The following MIER1 variants were observed in gnomAD, a reference collection of about 807,000 sequenced individuals.
MIER1 encodes the protein MIER1 transcriptional regulator.
A neutral mutation model predicts 75.7 loss-of-function variants in MIER1; 40 were observed. The ratio of observed to expected loss-of-function variants is 0.53; its 90% confidence interval spans 0.41 to 0.69. The LOEUF is 0.69. Ranked by LOEUF, MIER1 falls within the 30% of genes least tolerant of loss-of-function variation. MIER1 has a pLI of 0.00. For synonymous variants in MIER1, 213 were observed against 223.4 expected, an observed-to-expected ratio of 0.95 and a Z score of 0.42; for missense variants, 574 against 680.2, an observed-to-expected ratio of 0.84 and a Z score of 1.74.
intron 3 of MIER1, among the ~76,000 whole-genome samples, chr1:66,944,084 A>G (rs571010716): frequency 6.6e-6 from 1 of 152,154 alleles, no homozygotes; most frequent in South Asian, 2.1e-4. Flanking sequence ...ATGCTTGAAC[A>G]TAGTATCTGG....
At position 66,949,265 on chromosome 1, in the gene MIER1, A is replaced by AT. The variant is rs200045381; in HGVS notation, c.339+2978dup. On this transcript the variant is annotated intron_variant, in intron 4 of 13. Transcript: ENST00000401041. ...TTTCATAATGGGTTATGAGTTAGTTATTTTTTTTCTATTTCAGAAAATGAG... is the reference window on the plus strand; with the variant it reads ...TTTCATAATGGGTTATGAGTTAGTTATTTTTTTTTCTATTTCAGAAAATGAG... Among the ~76,000 whole-genome samples the AT allele has an allele frequency of 5.2e-3, 791 of 151,952 alleles. 3 individuals are homozygous for AT. The highest frequency in any genetic ancestry group is 0.011 in the Admixed American group (165 of 15,250).
intron 2 of MIER1, chr1:66,930,311 C>T (rs1432948786): frequency 1.8e-5 from 29 of 1,585,114 alleles, no homozygotes; most frequent in Admixed American, 5.2e-5. Context: ...GCCGGAGTCC[C>T]GTTGCTGAGT....
At chr1:66,931,187 CT>C (rs564125300) in intron 2 of MIER1, among the ~76,000 whole-genome samples, 8 of 152,184 alleles carry the variant, frequency 5.3e-5, no homozygotes, top group African/African-American at 1.7e-4. Context: ...CCTAAAGCCC[CT>C]TTTTTTGATT....
chr1:66,931,032 C>T (rs1653175596), intron 2 of MIER1, among the ~76,000 whole-genome samples: 1 of 151,548 alleles, frequency 6.6e-6, no homozygotes, highest in Non-Finnish European at 1.5e-5. Flanking sequence ...TTTCCACCTC[C>T]CCCCACCACC....
At chr1:66,979,570 A>T (rs1448510694) in intron 12 of MIER1, among the ~76,000 whole-genome samples, 1 of 152,212 alleles carries the variant, frequency 6.6e-6, no homozygotes, top group South Asian at 2.1e-4. Flanking sequence ...TTAACTCAGC[A>T]TAACTTTGAT....
At chr1:66,982,565 A>G (rs1558124168) in intron 13 of MIER1, among the ~76,000 whole-genome samples, 1 of 152,200 alleles carries the variant, frequency 6.6e-6, no homozygotes, top group East Asian at 1.9e-4. Context: ...TTCTTCTTTG[A>G]TTAAATGGTC....
chr1:66,971,391 T>C (rs539651804), intron 9 of MIER1, among the ~76,000 whole-genome samples: 18 of 152,228 alleles, frequency 1.2e-4, no homozygotes, highest in African/African-American at 4.3e-4. Context: ...TTTTCATTGA[T>C]ATAAAATGAA....
chr1:66,964,249 T>G (rs1006600636), intron 8 of MIER1, among the ~76,000 whole-genome samples: 3 of 150,292 alleles, frequency 2.0e-5, no homozygotes, highest in Non-Finnish European at 3.0e-5. Flanking sequence ...TTTTTTTGTG[T>G]TTTTTAGTAG....
intron 9 of MIER1, among the ~76,000 whole-genome samples, chr1:66,971,451 A>G (rs1277264671): frequency 6.6e-6 from 1 of 152,018 alleles, no homozygotes; most frequent in African/African-American, 2.4e-5. Flanking sequence ...TGCATATCCT[A>G]CTTTGTACAT....
At chr1:66,982,948 G>A (rs1487466813) in intron 13 of MIER1, among the ~76,000 whole-genome samples, 4 of 152,202 alleles carry the variant, frequency 2.6e-5, no homozygotes, top group South Asian at 2.1e-4. Context: ...GGGACTAACC[G>A]TATAGGCTCA....
chr1:66,930,362 G>A (rs1463084526), intron 2 of MIER1: 1 of 1,607,080 alleles, frequency 6.2e-7, no homozygotes, highest in Non-Finnish European at 8.5e-7. Flanking sequence ...TGCGGCCGCC[G>A]CGGAGATGTG....
At position 66,958,142 on chromosome 1, in the gene MIER1, GGAA is replaced by G; in HGVS notation, c.429_431del (p.Glu147del). ...GACTACCTGAAGAAGATGAGGAAGA[GGAA>G]GAAGAGGAAGAAGAAGGTGAAGATG... On this transcript the variant is annotated inframe_deletion, in exon 5 of 14. Coordinates refer to ENST00000401041, the MANE Select transcript of MIER1 (RefSeq NM_001077700.3). 6.3e-7 allele frequency: 1 copy of G among 1,599,790 alleles called. No individual in the cohort carries two copies. The highest frequency in any genetic ancestry group is 1.7e-5 in the Admixed American group (1 of 59,978).
Position 66,971,688 on chromosome 1 carries a change from A to G in MIER1, c.958A>G (p.Thr320Ala). The G allele has an allele frequency of 6.6e-7, 1 of 1,516,938 alleles. No homozygotes were observed. Among genetic ancestry groups the G allele is most frequent in the Non-Finnish European group, 9.1e-7 (1 of 1,100,286 alleles). The allele number at this position is 1,516,938 out of a possible 1,614,324, so 94.0% of individuals were successfully genotyped here. A position where few individuals can be genotyped will look rare whatever the true frequency, so the allele number is the denominator to read the frequency against. ...TGAATTGGTTAAATGCAATTTTGAT[A>G]CAGAAGAAGCATTGAGAAGATTAAG... ...LYELVKCNFD[T>A]EEALRRLRFN... Residue 320 changes from threonine to alanine, a missense_variant, in exon 10 of 14, where the codon ACA (threonine) becomes GCA (alanine). Transcript: ENST00000401041.
intron 7 of MIER1, among the ~76,000 whole-genome samples, chr1:66,961,260 A>T (rs1484561911): frequency 6.6e-6 from 1 of 152,190 alleles, no homozygotes; most frequent in Non-Finnish European, 1.5e-5. Context: ...TAGAAACTTA[A>T]GGTAGGGGAA....
In MIER1 at chr1:66,984,564, C is replaced by A. The variant is rs1223965157; in HGVS notation, c.1370-8C>A. On this transcript the variant is annotated splice_polypyrimidine_tract_variant and splice_region_variant and intron_variant, in intron 13 of 13. Coordinates refer to ENST00000401041, the MANE Select transcript of MIER1 (RefSeq NM_001077700.3). ...ATTGTGGTTTCATTTATATTTCTTT[C>A]AACTTAGGAGTGTCATCTAATGGAC... 1 of 1,544,310 alleles carries A rather than the reference C, an allele frequency of 6.5e-7. No individual in the cohort carries two copies. The highest frequency in any genetic ancestry group is 1.4e-5 in the African/African-American group (1 of 71,616).
chr1:66,981,475 A>G (rs1377651963), intron 12 of MIER1, among the ~76,000 whole-genome samples: 1 of 152,204 alleles, frequency 6.6e-6, no homozygotes, highest in Non-Finnish European at 1.5e-5. Flanking sequence ...CACTTCAGTT[A>G]AGAGATCTTC....
intron 4 of MIER1, chr1:66,946,809 CT>C: frequency 3.0e-6 from 3 of 984,832 alleles, no homozygotes; most frequent in Non-Finnish European, 3.6e-6. Flanking sequence ...CTCTCACTAC[CT>C]TACTTTTTCT....
At chr1:66,939,986 T>G in intron 2 of MIER1, 42 bp from the exon 3 acceptor site, 1 of 1,513,060 alleles carries the variant, frequency 6.6e-7, no homozygotes, top group Non-Finnish European at 9.2e-7. Flanking sequence ...GAAGATACAT[T>G]ATACAGAAAT....
chr1:66,973,407 G>C (rs11802888), intron 11 of MIER1, among the ~76,000 whole-genome samples: 11,554 of 152,076 alleles, frequency 0.076, 550 homozygotes, highest in African/African-American at 0.13. Context: ...TAAGTCCTGA[G>C]TGGTCTAAAA....
Sources: gnomAD v4.1 joint callset for allele counts (sites outside exome capture counted in the v4.1 genomes callset) on GRCh38, gnomAD v4.1.1 for gene constraint, MANE v1.5 for transcripts, NCBI Gene and HGNC (gene_info 2026-07-23, HGNC 2026-07-21) for gene names.